The following EXT1 variants were observed in gnomAD, a reference collection of about 807,000 sequenced individuals.
EXT1 encodes exostosin-1.
A neutral mutation model predicts 82.5 loss-of-function variants in EXT1; 20 were observed. The observed-to-expected ratio is 0.24, with a 90% CI of 0.17 to 0.35. The LOEUF (loss-of-function observed/expected upper bound fraction) is 0.35. Ranked by LOEUF, EXT1 falls within the 10% of genes least tolerant of loss-of-function variation. The pLI, the probability that EXT1 is intolerant of heterozygous loss-of-function variation, is 1.00. For synonymous variants in EXT1, 348 were observed against 350.8 expected, an observed-to-expected ratio of 0.99 and a Z score of 0.09; for missense variants, 757 against 936.5, an observed-to-expected ratio of 0.81 and a Z score of 2.50.
intron 1 of EXT1, among the ~76,000 whole-genome samples, chr8:117,837,926 C>T (rs1587004716): frequency 6.6e-6 from 1 of 151,520 alleles, no homozygotes; most frequent in African/African-American, 2.4e-5. Context: ...ATTTATTTTA[C>T]TCAAATACCA....
chr8:117,988,281 C>A (rs1815361422), intron 1 of EXT1, among the ~76,000 whole-genome samples: 1 of 152,112 alleles, frequency 6.6e-6, no homozygotes, highest in Admixed American at 6.5e-5. Flanking sequence ...ACAAATATTA[C>A]TTGTTATTAT....
chr8:117,914,761 T>C (rs11780699), intron 1 of EXT1, among the ~76,000 whole-genome samples: 38,914 of 152,036 alleles, frequency 0.26, 5,614 homozygotes, highest in East Asian at 0.35. Context: ...ACCGGTTCTC[T>C]ACTCTCGAAC....
rs975242786 is a variant in EXT1 at position 117,797,740 on chromosome 8, A to C, written c.*1972T>G. 1.3e-5 allele frequency: 2 copies of C among 152,254 alleles called. No individual in the cohort carries two copies. The highest frequency in any genetic ancestry group is 4.8e-5 in the African/African-American group (2 of 41,478). 9.4% of individuals were successfully genotyped at this position (152,254 alleles called of 1,614,324 possible). ...ATTTTATAGAAAAGACACAAGTGCA[A>C]GCACCATGGACCTAAGAATTATTTT... On this transcript the variant is annotated 3_prime_UTR_variant, in exon 11 of 11. Transcript: ENST00000378204.
intron 1 of EXT1, 43 bp from the exon 2 acceptor site, chr8:117,837,244 C>T (rs763837956): frequency 3.0e-5 from 46 of 1,508,556 alleles, no homozygotes; most frequent in Admixed American, 2.3e-4. Context: ...AGACTCATTG[C>T]GAATGTGGGG....
intron 1 of EXT1, among the ~76,000 whole-genome samples, chr8:117,859,722 A>T (rs546916297): frequency 6.6e-6 from 1 of 152,350 alleles, no homozygotes; most frequent in South Asian, 2.1e-4. Context: ...ATATATTTTG[A>T]TTATATGCAT....
intron 1 of EXT1, among the ~76,000 whole-genome samples, chr8:117,937,683 A>G (rs1814194066): frequency 1.3e-5 from 2 of 152,218 alleles, no homozygotes; most frequent in Admixed American, 6.5e-5. Flanking sequence ...CGTTCAGAGC[A>G]TTTTCCCATT....
chr8:117,919,506 C>CT (rs34037715), intron 1 of EXT1, among the ~76,000 whole-genome samples: 64,576 of 141,042 alleles, frequency 0.46, 15,216 homozygotes, highest in Middle Eastern at 0.59. Flanking sequence ...TGAGTTAAAA[C>CT]TTTTTTTTTT....
intron 1 of EXT1, among the ~76,000 whole-genome samples, chr8:118,038,467 G>C (rs115709648): frequency 0.02 from 3,079 of 152,270 alleles, 107 homozygotes; most frequent in African/African-American, 0.07. Flanking sequence ...TGGTCCCCCA[G>C]ACCTCCTCTC....
intron 1 of EXT1, among the ~76,000 whole-genome samples, chr8:118,034,153 A>C (rs1000707251): frequency 5.3e-5 from 8 of 152,204 alleles, no homozygotes; most frequent in African/African-American, 1.9e-4. Context: ...GTACATTTTT[A>C]AAGAGATGAT....
Position 117,822,477 on chromosome 8 carries a change from A to C in EXT1, c.1405T>G (p.Tyr469Asp). ...SSYLGDFPYY[Y>D]ANLGLKPPSK... Reference sequence around the variant, plus strand: ...GAAATTCACTTACCTAAATTAGCATAGTAGTAAGGAAAATCTCCCAGATAA... The same window carrying C: ...GAAATTCACTTACCTAAATTAGCATCGTAGTAAGGAAAATCTCCCAGATAA... The change falls in exon 5 of 11, where the codon TAT (tyrosine) becomes GAT (aspartate). Residue 469 changes from tyrosine to aspartate, a missense_variant. Coordinates refer to ENST00000378204, the MANE Select transcript of EXT1 (RefSeq NM_000127.3). 6.2e-7 allele frequency: 1 copy of C among 1,613,296 alleles called. No homozygotes were observed. The highest frequency in any genetic ancestry group is 8.5e-7 in the Non-Finnish European group (1 of 1,179,720).
At chr8:117,839,172 G>C (rs1043167417) in intron 1 of EXT1, among the ~76,000 whole-genome samples, 1 of 152,128 alleles carries the variant, frequency 6.6e-6, no homozygotes, top group Non-Finnish European at 1.5e-5. Flanking sequence ...TCACATAATA[G>C]GTAATAGGAG....
chr8:118,000,913 G>A (rs1168853053), intron 1 of EXT1, among the ~76,000 whole-genome samples: 1 of 152,004 alleles, frequency 6.6e-6, no homozygotes, highest in Non-Finnish European at 1.5e-5. Flanking sequence ...TTAAAACTGG[G>A]GAGCCCAACA....
chr8:117,872,263 A>C (rs1282026756), intron 1 of EXT1, among the ~76,000 whole-genome samples: 2 of 152,220 alleles, frequency 1.3e-5, no homozygotes, highest in African/African-American at 4.8e-5. Flanking sequence ...CTATGGGAAG[A>C]GTATGCTCTA....
At chr8:117,868,851 T>TG (rs766417364) in intron 1 of EXT1, among the ~76,000 whole-genome samples, 17 of 152,136 alleles carry the variant, frequency 1.1e-4, no homozygotes, top group Non-Finnish European at 5.9e-5. Context: ...GAACAAATGT[T>TG]GAAGTCCTGC....
At chr8:117,800,755 A>G (rs1823154483) in intron 10 of EXT1, among the ~76,000 whole-genome samples, 1 of 152,240 alleles carries the variant, frequency 6.6e-6, no homozygotes, top group Non-Finnish European at 1.5e-5. Context: ...CGACAAATAG[A>G]AAAGATGGCT....
At chr8:118,035,199 C>T (rs1048356300) in intron 1 of EXT1, among the ~76,000 whole-genome samples, 1 of 152,114 alleles carries the variant, frequency 6.6e-6, no homozygotes, top group Non-Finnish European at 1.5e-5. Context: ...TGTAACTTAA[C>T]CCTCAGGCTG....
chr8:117,990,970 C>T lies in EXT1; in HGVS notation c.962+119115G>A, dbSNP rs77989074. 1.4e-4 allele frequency among the ~76,000 whole-genome samples: 22 copies of T among 152,288 alleles called. 1 individual carries two copies. The East Asian group carries it at 3.5e-3, about 24-fold the overall frequency. ...CTAGACTTGCACTCTTTCTAATCTT[C>T]GTACCAACCATGTGCAAATGGTGTT... On this transcript the variant is annotated intron_variant, in intron 1 of 10. Coordinates refer to ENST00000378204, the MANE Select transcript of EXT1 (RefSeq NM_000127.3).
chr8:117,869,963 A>G (rs1356917987), intron 1 of EXT1, among the ~76,000 whole-genome samples: 1 of 152,198 alleles, frequency 6.6e-6, no homozygotes, highest in Non-Finnish European at 1.5e-5. Flanking sequence ...TCATTTTTCT[A>G]TGAGAGACAA....
rs148947832 is a variant in EXT1, at chr8:118,105,423, A to T, written c.962+4662T>A. Among the ~76,000 whole-genome samples the T allele has an allele frequency of 1.9e-3, 285 of 152,320 alleles. 3 individuals are homozygous for T. The highest frequency in any genetic ancestry group is 5.9e-4 in the Non-Finnish European group (40 of 68,034). ...GCCCCTAGCTTAGATCACAGACTCCACTGGAAACCCTCATTTGCTAGGCTG... is the reference window on the plus strand; with the variant it reads ...GCCCCTAGCTTAGATCACAGACTCCTCTGGAAACCCTCATTTGCTAGGCTG... On this transcript the variant is annotated intron_variant, in intron 1 of 10. Coordinates refer to ENST00000378204, the MANE Select transcript of EXT1 (RefSeq NM_000127.3).
Sources: allele counts gnomAD v4.1 joint callset (sites outside exome capture counted in the v4.1 genomes callset), GRCh38; gene constraint gnomAD v4.1.1; transcripts MANE v1.5; gene names NCBI Gene and HGNC (gene_info 2026-07-23, HGNC 2026-07-21).